Variants in APOL1 observed in about 807,000 individuals in gnomAD.
APOL1 encodes apolipoprotein L 1.
Under a neutral mutation model 14.9 loss-of-function variants are expected in APOL1, and 17 were observed. The ratio of observed to expected loss-of-function variants is 1.14; its 90% CI spans 0.78 to 1.71. The LOEUF (loss-of-function observed/expected upper bound fraction) is 1.71. Ranked by LOEUF, APOL1 falls within the 40% of genes most tolerant of loss-of-function variation. The probability of loss-of-function intolerance (pLI) is 0.00; values close to 1 mark genes in which losing one functional copy is unlikely to be tolerated. For synonymous variants in APOL1, 195 were observed against 184.8 expected, an observed-to-expected ratio of 1.05 and a Z score of -0.45; for missense variants, 523 against 485.9, an observed-to-expected ratio of 1.08 and a Z score of -0.72.
Position 36,265,761 on chromosome 22 carries a change from C to A in APOL1, c.925C>A (p.Pro309Thr). Reference protein sequence around the residue: ...ASASRPRVTEPISAESGEQVE... With the variant: ...ASASRPRVTETISAESGEQVE... ...AGCCTCACGCCCCCGGGTCACTGAGCCAATCTCAGCTGAAAGCGGTGAACA... is the reference window on the plus strand; with the variant it reads ...AGCCTCACGCCCCCGGGTCACTGAGACAATCTCAGCTGAAAGCGGTGAACA... Residue 309 changes from proline (P) to threonine (T), a missense_variant, in exon 6 of 6, where the codon CCA becomes ACA. Coordinates refer to ENST00000397278, the MANE Select transcript of APOL1 (RefSeq NM_003661.4). The A allele has an allele frequency of 1.2e-6, 2 of 1,614,156 alleles. No individual in the cohort carries two copies. Among genetic ancestry groups the A allele is most frequent in the Non-Finnish European group, 1.7e-6 (2 of 1,180,028 alleles).
At chr22:36,254,105 A>G in intron 1 of APOL1, 1 of 1,232,568 alleles carries the variant, frequency 8.1e-7, no homozygotes, top group Non-Finnish European at 1.2e-6. Context: ...TATTAGAGTC[A>G]CAAGGGCAGA....
At chr22:36,259,563 A>C in intron 4 of APOL1, 1 of 1,208,438 alleles carries the variant, frequency 8.3e-7, no homozygotes, top group Non-Finnish European at 1.1e-6. Context: ...GGAAGATTAG[A>C]AGCCGAGAGC....
chr22:36,262,257 G>A (rs927400835), intron 5 of APOL1, among the ~76,000 whole-genome samples: 191 of 152,144 alleles, frequency 1.3e-3, no homozygotes, highest in African/African-American at 4.5e-3. Context: ...TCTCATCTGA[G>A]GAATTCCATA....
In APOL1 at chr22:36,261,743, T is replaced by C. The variant is rs136164; in HGVS notation, c.314+21T>C. The C allele has an allele frequency of 0.62, 992,081 of 1,609,476 alleles. 308,187 individuals carry two copies. The highest frequency in any genetic ancestry group is 0.82 in the East Asian group (36,474 of 44,742). The stretch of plus-strand genomic sequence containing the variant: ...CCCAGGTAAGCTCCATGGGGTTACC[T>C]CCATTGGGCACTCCGGCGATGCCAC... On this transcript the variant is annotated intron_variant, in intron 5 of 5. Coordinates refer to ENST00000397278, the MANE Select transcript of APOL1 (RefSeq NM_003661.4).
chr22:36,258,894 C>A (rs534236962), intron 4 of APOL1, among the ~76,000 whole-genome samples: 98 of 152,136 alleles, frequency 6.4e-4, no homozygotes, highest in Non-Finnish European at 1.0e-3. Context: ...TGGGTCAGAC[C>A]CAGCGCCGAG....
rs1001914693 is a variant in APOL1 at position 36,267,163 on chromosome 22, G to A, written c.*1130G>A. The A allele has an allele frequency of 5.9e-5, 9 of 152,524 alleles. No homozygotes were observed. Among genetic ancestry groups the A allele is most frequent in the African/African-American group, 2.2e-4 (9 of 41,546 alleles). 9.4% of individuals were successfully genotyped at this position (152,524 alleles called of 1,614,324 possible). On this transcript the variant is annotated 3_prime_UTR_variant, in exon 6 of 6. Transcript: ENST00000397278. ...ATCCACTCTCCCTTGTCCTCCTGGG[G>A]GCATATCTCAGTCAGGCAGCGGCTT... is the stretch of plus-strand genomic sequence containing the variant.
chr22:36,259,493 A>G (rs1185435990), intron 4 of APOL1, among the ~76,000 whole-genome samples: 2 of 152,148 alleles, frequency 1.3e-5, no homozygotes, highest in African/African-American at 4.8e-5. Flanking sequence ...TCTGCTCAGG[A>G]GCCGCCCTGG....
intron 5 of APOL1, among the ~76,000 whole-genome samples, chr22:36,264,641 T>C (rs1450029984): frequency 1.3e-5 from 2 of 152,204 alleles, no homozygotes; most frequent in African/African-American, 4.8e-5. Context: ...TATTTCCATA[T>C]GGAATAAATA....
rs1418464436 is a variant in APOL1, at chr22:36,265,375, GCT to G, written c.545_546del (p.Leu182GlnfsTer67). The G allele has an allele frequency of 8.1e-6, 13 of 1,612,732 alleles. No individual in the cohort carries two copies. Among genetic ancestry groups the G allele is most frequent in the Non-Finnish European group, 1.1e-5 (13 of 1,179,172 alleles). On this transcript the variant is annotated frameshift_variant, in exon 6 of 6. Transcript: ENST00000397278. LOFTEE classifies it low-confidence loss of function (END_TRUNC). ...ACCACCATCGCCAATGTGGTGTCTG[GCT>G]CTCTCAGCATTTCCTCTGGCATCCT...
At chr22:36,260,405 A>AAG (rs2016041693) in intron 4 of APOL1, among the ~76,000 whole-genome samples, 1 of 152,148 alleles carries the variant, frequency 6.6e-6, no homozygotes, top group Non-Finnish European at 1.5e-5. Flanking sequence ...CCCAAAAAAA[A>AAG]GAATGAGGTC....
At chr22:36,257,486 C>A in intron 4 of APOL1, 79 bp downstream of exon 4, 1 of 1,387,048 alleles carries the variant, frequency 7.2e-7, no homozygotes, top group Admixed American at 1.7e-5. Context: ...TGAGTGAGCC[C>A]CAGAAGAACC....
At chr22:36,261,978 G>C (rs564139285) in intron 5 of APOL1, among the ~76,000 whole-genome samples, 6 of 152,360 alleles carry the variant, frequency 3.9e-5, no homozygotes, top group African/African-American at 1.4e-4. Context: ...AACTTTGCCA[G>C]TTACTTTCTC....
intron 2 of APOL1, among the ~76,000 whole-genome samples, chr22:36,256,534 G>A (rs1049968140): frequency 1.3e-5 from 2 of 152,212 alleles, no homozygotes; most frequent in Non-Finnish European, 2.9e-5. Context: ...GGCTGGGCTG[G>A]CATCTGGCAA....
chr22:36,260,345 A>C (rs1299920805), intron 4 of APOL1, among the ~76,000 whole-genome samples: 2 of 152,222 alleles, frequency 1.3e-5, no homozygotes, highest in Non-Finnish European at 2.9e-5. Context: ...CAGTGAGCCA[A>C]GATCGCACCA....
rs777896640 is a variant in APOL1, at chr22:36,265,996, ATAATT to A, written c.1161_1165del (p.Asn387LysfsTer2). ...GAGGAGAAGCTAAACATTCTCAACA[ATAATT>A]ATAAGATTCTGCAGGCGGACCAAGA... On this transcript the variant is annotated frameshift_variant, in exon 6 of 6. Transcript: ENST00000397278. LOFTEE classifies it low-confidence loss of function (END_TRUNC). 1 of 1,591,742 alleles carries A rather than the reference ATAATT, an allele frequency of 6.3e-7. No homozygotes were observed. Among genetic ancestry groups the A allele is most frequent in the African/African-American group, 1.8e-5 (1 of 55,902 alleles).
rs1249117717 is a variant in APOL1, at chr22:36,266,258, T to G, written c.*225T>G. ...GGCGCCTACCACCATGCCCAGCTAA[T>G]TTTTGTATTTTTAATAGAGATGGGG... On this transcript the variant is annotated 3_prime_UTR_variant, in exon 6 of 6. Transcript: ENST00000397278. The G allele has an allele frequency of 6.2e-6, 3 of 486,610 alleles. No homozygotes were observed. The highest frequency in any genetic ancestry group is 1.1e-5 in the Non-Finnish European group (3 of 278,294). 30.1% of individuals were successfully genotyped at this position (486,610 alleles called of 1,614,324 possible). A position where few individuals can be genotyped will look rare whatever the true frequency, so the allele number is the denominator to read the frequency against.
intron 5 of APOL1, among the ~76,000 whole-genome samples, chr22:36,262,311 G>A (rs1425501594): frequency 6.6e-6 from 1 of 151,966 alleles, no homozygotes; most frequent in Non-Finnish European, 1.5e-5. Flanking sequence ...CCGAGAGGCT[G>A]GAGTGGAGTT....
intron 5 of APOL1, among the ~76,000 whole-genome samples, chr22:36,263,040 A>T (rs1210651956): frequency 6.6e-6 from 1 of 152,240 alleles, no homozygotes; most frequent in African/African-American, 2.4e-5. Context: ...AATCTTCTAG[A>T]GGTTCCATAA....
In APOL1 at chr22:36,266,339, T is replaced by G. The variant is rs546339237; in HGVS notation, c.*306T>G. 16 of 404,878 alleles carry G rather than the reference T, an allele frequency of 4.0e-5. No homozygotes were observed. The highest frequency in any genetic ancestry group is 6.1e-5 in the Non-Finnish European group (14 of 229,032). 25.1% of individuals were successfully genotyped at this position (404,878 alleles called of 1,614,324 possible). On this transcript the variant is annotated 3_prime_UTR_variant, in exon 6 of 6. Transcript: ENST00000397278. ...CTCCTGACCTCTTGATCTGCCCACC[T>G]TGGCCTCCCAAAGTGCTGGGATTAC...
Sources: gnomAD v4.1 joint callset for allele counts (sites outside exome capture counted in the v4.1 genomes callset) on GRCh38, gnomAD v4.1.1 for gene constraint, MANE v1.5 for transcripts, NCBI Gene and HGNC (gene_info 2026-07-23, HGNC 2026-07-21) for gene names.